CEP250: variants seen among roughly 807,000 people sequenced by gnomAD.
The protein encoded by CEP250 is centrosome-associated protein CEP250.
CEP250 carries 242 observed loss-of-function variants against 315.7 expected under a neutral mutation model. The observed-to-expected ratio is 0.77, with a 90% confidence interval of 0.69 to 0.85. The LOEUF (loss-of-function observed/expected upper bound fraction) is 0.85, where lower values mean the gene tolerates loss of function less well. Ranked by LOEUF, CEP250 falls within the 40% of genes least tolerant of loss-of-function variation. The pLI is 0.00. For synonymous variants in CEP250, 1,088 were observed against 1,175.0 expected, an observed-to-expected ratio of 0.93 and a Z score of 1.51; for missense variants, 2,515 against 2,886.4, an observed-to-expected ratio of 0.87 and a Z score of 2.95.
In CEP250 at chr20:35,504,293, C is replaced by G. The variant is rs1324937611; in HGVS notation, c.5924C>G (p.Ala1975Gly). Residue 1975 changes from alanine to glycine, a missense_variant, in exon 30 of 35, where the codon GCT becomes GGT. Physicochemically the swap from Ala to Gly is moderately conservative, Grantham distance 60. Coordinates refer to ENST00000397527, the MANE Select transcript of CEP250 (RefSeq NM_007186.6). ...CAGGAGGCCCTTGGCAAGGCTCATG[C>G]TGCCCTGCAGGGGAAAGAGCAGCAT... ...ALQEALGKAH[A>G]ALQGKEQHLL... 6.3e-7 allele frequency: 1 copy of G among 1,587,478 alleles called. No individual in the cohort carries two copies. The highest frequency in any genetic ancestry group is 1.3e-5 in the African/African-American group (1 of 74,278).
chr20:35,512,607 C>T lies in CEP250; in HGVS notation c.*981C>T, dbSNP rs1425727317. ...AAGGATGGACTATGGCGGAACTTCT[C>T]ACCCATGGACTGGTCCTAGTGGAGG... On this transcript the variant is annotated 3_prime_UTR_variant, in exon 35 of 35. Coordinates refer to ENST00000397527, the MANE Select transcript of CEP250 (RefSeq NM_007186.6). The T allele has an allele frequency of 6.6e-6, 1 of 152,232 alleles. No individual in the cohort carries two copies. The highest frequency in any genetic ancestry group is 2.4e-5 in the African/African-American group (1 of 41,450). The allele number at this position is 152,232 out of a possible 1,614,324, so 9.4% of individuals were successfully genotyped here. A position where few individuals can be genotyped will look rare whatever the true frequency, so the allele number is the denominator to read the frequency against.
intron 17 of CEP250, 60 bp downstream of exon 17, chr20:35,478,161 T>C (rs1170326307): frequency 9.1e-7 from 1 of 1,099,570 alleles, no homozygotes; most frequent in Non-Finnish European, 1.3e-6. Context: ...TTATAAAAAA[T>C]TAAAACACTA....
At chr20:35,486,158 G>A (rs1457425365) in intron 20 of CEP250, among the ~76,000 whole-genome samples, 4 of 151,570 alleles carry the variant, frequency 2.6e-5, no homozygotes, top group Non-Finnish European at 5.9e-5. Context: ...GGGATTACAG[G>A]CGCATGCTAC....
intron 3 of CEP250, 22 bp downstream of exon 3, chr20:35,460,127 G>A (rs1231597988): frequency 6.6e-6 from 1 of 152,114 alleles, no homozygotes; most frequent in Non-Finnish European, 1.5e-5. Context: ...ACACAGCCTT[G>A]GCAAAAAGGC....
chr20:35,506,316 A>G (rs542994793), intron 30 of CEP250, among the ~76,000 whole-genome samples: 3 of 152,278 alleles, frequency 2.0e-5, no homozygotes, highest in South Asian at 2.1e-4. Context: ...GTTAGAACAA[A>G]TGGGTTTCTT....
chr20:35,481,107 G>A lies in CEP250; in HGVS notation c.2586+962G>A, dbSNP rs1017883550. ...CAGTAGTTTTACCCTTTTCCTGAAC[G>A]ATACAAGGGTCTTAGAACATTTTAC... On this transcript the variant is annotated intron_variant, in intron 20 of 34. Coordinates refer to ENST00000397527, the MANE Select transcript of CEP250 (RefSeq NM_007186.6). 11 of 151,934 alleles carry A rather than the reference G, an allele frequency of 7.2e-5. No homozygotes were observed. The South Asian group carries it at 1.0e-3, about 14-fold the overall frequency. 9.4% of individuals were successfully genotyped at this position (151,934 alleles called of 1,614,324 possible). A position where few individuals can be genotyped will look rare whatever the true frequency, so the allele number is the denominator to read the frequency against.
At position 35,466,023 on chromosome 20, in the gene CEP250, C is replaced by T. The variant is rs1032953546; in HGVS notation, c.327-16C>T. 3.7e-6 allele frequency: 6 copies of T among 1,613,816 alleles called. No homozygotes were observed. In the African/African-American group the frequency reaches 6.7e-5, roughly 18 times the overall value. On this transcript the variant is annotated splice_polypyrimidine_tract_variant and intron_variant, in intron 6 of 34. Transcript: ENST00000397527. ...GACCTTTATTTTGCACCCACTTTTA[C>T]CCCTCCCCAGTGCAGGTGTGAGAGT...
At position 35,500,146 on chromosome 20, in the gene CEP250, G is replaced by T. The variant is rs1385824188; in HGVS notation, c.3875G>T (p.Arg1292Ile). The T allele has an allele frequency of 2.5e-6, 4 of 1,613,912 alleles. No individual in the cohort carries two copies. Among genetic ancestry groups the T allele is most frequent in the Non-Finnish European group, 3.4e-6 (4 of 1,180,024 alleles). The change falls in exon 28 of 35, where the codon AGA becomes ATA. Residue 1292 changes from arginine (R) to isoleucine (I), a missense_variant. Coordinates refer to ENST00000397527, the MANE Select transcript of CEP250 (RefSeq NM_007186.6). Reference protein sequence around the residue: ...QVHTELQDLQRQLSQNQEEKS... With the variant: ...QVHTELQDLQIQLSQNQEEKS... The stretch of plus-strand genomic sequence containing the variant: ...CACACAGAGTTGCAGGATCTGCAGA[G>T]ACAGCTCTCCCAGAATCAGGAAGGT...
In CEP250 at chr20:35,516,970, C is replaced by G; in HGVS notation, c.*5344C>G. 1.0e-6 allele frequency: 1 copy of G among 985,560 alleles called. No homozygotes were observed. The highest frequency in any genetic ancestry group is 1.2e-6 in the Non-Finnish European group (1 of 829,972). 61.1% of individuals were successfully genotyped at this position (985,560 alleles called of 1,614,324 possible). The stretch of plus-strand genomic sequence containing the variant: ...AAACCCCCCCATTGAAGGCTACATT[C>G]TTGTCCCACAGGGCAGAGCACATGG... On this transcript the variant is annotated 3_prime_UTR_variant, in exon 35 of 35. Coordinates refer to ENST00000397527, the MANE Select transcript of CEP250 (RefSeq NM_007186.6).
At position 35,501,851 on chromosome 20, in the gene CEP250, C is replaced by A. The variant is rs1320993038; in HGVS notation, c.3905C>A (p.Ser1302Tyr). ...CTCTCCTCTCTTCTCAAAGAGAAAT[C>A]TAAGTGGGAAGGAAAGCAGAACTCC... Reference protein sequence around the residue: ...RQLSQNQEEKSKWEGKQNSLE... With the variant: ...RQLSQNQEEKYKWEGKQNSLE... Residue 1302 changes from serine to tyrosine, a missense_variant, in exon 29 of 35, where the codon TCT becomes TAT. Physicochemically the swap from Ser to Tyr is moderately radical, Grantham distance 144 (BLOSUM62 -2). Coordinates refer to ENST00000397527, the MANE Select transcript of CEP250 (RefSeq NM_007186.6). 6.2e-7 allele frequency: 1 copy of A among 1,605,646 alleles called. No individual in the cohort carries two copies.
chr20:35,467,179 G>GGGGGGGGGGCGCCCCCCCC, intron 8 of CEP250, 107 bp downstream of exon 8: 1 of 534,908 alleles, frequency 1.9e-6, no homozygotes, highest in Non-Finnish European at 3.5e-6. Context: ...GGTGGGTGGG[G>GGGGGGGGGGCGCCCCCCCC]GAGTTGGTAG....
intron 22 of CEP250, among the ~76,000 whole-genome samples, chr20:35,491,885 G>C (rs373209753): frequency 7.1e-4 from 81 of 114,334 alleles, no homozygotes; most frequent in African/African-American, 2.6e-3. Context: ...CTTGGTGATA[G>C]AGCGAGTCTC....
Position 35,503,255 on chromosome 20 carries a change from A to G in CEP250, c.4886A>G (p.Asp1629Gly). 6.2e-7 allele frequency: 1 copy of G among 1,614,152 alleles called. No homozygotes were observed. The highest frequency in any genetic ancestry group is 8.5e-7 in the Non-Finnish European group (1 of 1,180,016). ...CTGGCAAGAGAGCTGCAGGAGAGGG[A>G]CCAGGAGGTGAAGTCTCAGCGAGAA... ...TVLARELQER[D>G]QEVKSQREQI... The change falls in exon 30 of 35, where the codon GAC becomes GGC. Residue 1629 changes from aspartate (D) to glycine (G), a missense_variant. Transcript: ENST00000397527. The surrounding 1 kb of genome is among the most constrained non-coding windows in gnomAD (Gnocchi z 4.2).
chr20:35,485,064 T>TAAAA (rs587596547), intron 20 of CEP250, among the ~76,000 whole-genome samples: 2 of 129,228 alleles, frequency 1.5e-5, no homozygotes, highest in African/African-American at 5.8e-5. Context: ...CCTATCTCTT[T>TAAAA]AAAAAAAAAA....
At chr20:35,511,322 C>T in intron 34 of CEP250, 41 bp from the exon 35 acceptor site, 1 of 1,542,366 alleles carries the variant, frequency 6.5e-7, no homozygotes, top group Non-Finnish European at 8.8e-7. Context: ...CTTCAGGGCC[C>T]TCAGCTGCTC....
At chr20:35,496,278 A>G (rs1425827308) in intron 24 of CEP250, among the ~76,000 whole-genome samples, 1 of 152,114 alleles carries the variant, frequency 6.6e-6, no homozygotes, top group Non-Finnish European at 1.5e-5. Flanking sequence ...CAGAGGCTGC[A>G]GTGAGCCGAG....
Position 35,490,103 on chromosome 20 carries a change from A to C in CEP250, c.2587-534A>C, listed in dbSNP as rs563081266. Among the ~76,000 whole-genome samples the C allele has an allele frequency of 2.0e-5, 3 of 152,290 alleles. No individual in the cohort carries two copies. In the East Asian group the frequency reaches 5.8e-4, roughly 29 times the overall value. On this transcript the variant is annotated intron_variant, in intron 20 of 34. Transcript: ENST00000397527. The stretch of plus-strand genomic sequence containing the variant: ...CGAGGCAGGCAGATCACTTGAGGTC[A>C]GGAGTTCATGACCAGCCTGGCCAAC...
Position 35,462,590 on chromosome 20 carries a change from C to T in CEP250, c.186+37C>T. 3 of 1,538,008 alleles carry T rather than the reference C, an allele frequency of 2.0e-6. No homozygotes were observed. The South Asian group carries it at 3.6e-5, about 18-fold the overall frequency. ...GCCCTTTTGGGGAGGGGAAAGAGAA[C>T]AACCCCCAGAGCTAGGTGCTGAGGT... On this transcript the variant is annotated intron_variant, in intron 4 of 34. Transcript: ENST00000397527.
At position 35,514,980 on chromosome 20, in the gene CEP250, G is replaced by C. The variant is rs1232239247; in HGVS notation, c.*3354G>C. 1 of 152,186 alleles carries C rather than the reference G, an allele frequency of 6.6e-6. No homozygotes were observed. The highest frequency in any genetic ancestry group is 1.5e-5 in the Non-Finnish European group (1 of 68,078). 9.4% of individuals were successfully genotyped at this position (152,186 alleles called of 1,614,324 possible). On this transcript the variant is annotated 3_prime_UTR_variant, in exon 35 of 35. Coordinates refer to ENST00000397527, the MANE Select transcript of CEP250 (RefSeq NM_007186.6). ...TTCTACAGAGATAGGAAGGCACTGG[G>C]GCTCACAGAGTGGTGCTGCTTCCCA...
Sources: gnomAD v4.1 joint callset for allele counts (sites outside exome capture counted in the v4.1 genomes callset) on GRCh38, gnomAD v4.1.1 for gene constraint, Gnocchi (gnomAD v3.1) non-coding constraint, MANE v1.5 for transcripts, NCBI Gene and HGNC (gene_info 2026-07-23, HGNC 2026-07-21) for gene names.